Variants in KCNIP1 observed in about 807,000 individuals in gnomAD.
The protein encoded by KCNIP1 is potassium voltage-gated channel interacting protein 1.
A neutral mutation model predicts 33.0 loss-of-function variants in KCNIP1; 18 were observed. That is an observed-to-expected ratio of 0.55 (90% CI 0.38 to 0.81). The LOEUF is 0.81. KCNIP1 is among the 30% of genes least tolerant of loss of function. KCNIP1 has a pLI of 0.00. For missense variants in KCNIP1, 238 were observed against 271.6 expected (o/e 0.88, Z 0.87); for synonymous variants, 93 against 98.3 (o/e 0.95, Z 0.32).
intron 1 of KCNIP1, among the ~76,000 whole-genome samples, chr5:170,387,974 A>T (rs952248581): frequency 6.6e-6 from 1 of 152,192 alleles, no homozygotes; most frequent in African/African-American, 2.4e-5. Flanking sequence ...GGGGAACTGG[A>T]TCGCACCTGT....
intron 1 of KCNIP1, among the ~76,000 whole-genome samples, chr5:170,687,195 T>A (rs1762567144): frequency 6.6e-6 from 1 of 152,040 alleles, no homozygotes; most frequent in Non-Finnish European, 1.5e-5. Flanking sequence ...ATTTTTTTTT[T>A]TTTTGAGATG....
At chr5:170,365,662 T>G (rs1581112293) in intron 1 of KCNIP1, among the ~76,000 whole-genome samples, 1 of 152,206 alleles carries the variant, frequency 6.6e-6, no homozygotes, top group Admixed American at 6.5e-5. Context: ...TCCATGGCTG[T>G]GTTCCCCTCC....
At chr5:170,669,498 G>A in intron 1 of KCNIP1, 1 of 983,968 alleles carries the variant, frequency 1.0e-6, no homozygotes, top group Non-Finnish European at 1.2e-6. Context: ...TCTTTCCCCA[G>A]AACTACCTTA....
intron 1 of KCNIP1, among the ~76,000 whole-genome samples, chr5:170,425,995 G>T (rs1218628546): frequency 2.0e-5 from 3 of 152,204 alleles, no homozygotes; most frequent in African/African-American, 7.2e-5. Flanking sequence ...CAGCTTTTGA[G>T]GTAGTGGCCC....
At position 170,545,942 on chromosome 5, in the gene KCNIP1, T is replaced by C. The variant is rs530883275; in HGVS notation, c.61+41309T>C. On this transcript the variant is annotated intron_variant, in intron 1 of 7. Transcript: ENST00000328939. ...TTGACCATAAGCTGGACATTGTATG[T>C]AAAAGAACTGTGGAGGTTTCAGCTG... Among the ~76,000 whole-genome samples the C allele has an allele frequency of 2.5e-4, 38 of 152,354 alleles. 1 individual carries two copies. The highest frequency in any genetic ancestry group is 1.7e-3 in the South Asian group (8 of 4,826).
Position 170,632,530 on chromosome 5 carries a change from T to C in KCNIP1, c.62-86228T>C, listed in dbSNP as rs75805588. ...GGGAGATGAGGAGGAGCAGCGCGGC[T>C]CTGCTGCGTGGCCCTGGGCAAGCAC... On this transcript the variant is annotated intron_variant, in intron 1 of 7. Coordinates refer to ENST00000328939, the MANE Select transcript of KCNIP1 (RefSeq NM_014592.4). Among the ~76,000 whole-genome samples the C allele has an allele frequency of 7.3e-3, 1,107 of 152,318 alleles. 4 individuals carry two copies. Among genetic ancestry groups the C allele is most frequent in the Non-Finnish European group, 0.012 (826 of 68,018 alleles).
At chr5:170,724,975 C>A (rs1005216842) in intron 5 of KCNIP1, among the ~76,000 whole-genome samples, 1 of 152,058 alleles carries the variant, frequency 6.6e-6, no homozygotes, top group Non-Finnish European at 1.5e-5. Flanking sequence ...ATGCAAAAAA[C>A]CTAAAATAAC....
intron 1 of KCNIP1, among the ~76,000 whole-genome samples, chr5:170,717,441 C>G (rs1327301279): frequency 2.0e-5 from 3 of 152,154 alleles, no homozygotes; most frequent in African/African-American, 7.2e-5. Context: ...AACAAATCAT[C>G]TGCCTTAGTC....
In KCNIP1 at chr5:170,397,262, C is replaced by T. The variant is rs182307927; in HGVS notation, c.88+43298C>T. ...AAGCGGCTTAGCATTCTATTTTTGG[C>T]GTACAGACCCTTCTGCAGACACCTG... is the stretch of plus-strand genomic sequence containing the variant. On this transcript the variant is annotated intron_variant, in intron 1 of 7. Coordinates refer to the KCNIP1 transcript ENST00000377360. Among the ~76,000 whole-genome samples, 528 of 152,242 alleles carry T rather than the reference C, an allele frequency of 3.5e-3. 5 individuals carry two copies. Among genetic ancestry groups the T allele is most frequent in the Admixed American group, 6.3e-3 (97 of 15,296 alleles).
chr5:170,702,617 G>A (rs561240808), intron 1 of KCNIP1, among the ~76,000 whole-genome samples: 1 of 152,252 alleles, frequency 6.6e-6, no homozygotes, highest in Admixed American at 6.5e-5. Flanking sequence ...AGTGGAATTT[G>A]GTCCCTGACT....
At position 170,589,190 on chromosome 5, in the gene KCNIP1, G is replaced by A. The variant is rs908927856; in HGVS notation, c.61+84557G>A. On this transcript the variant is annotated intron_variant, in intron 1 of 7. Transcript: ENST00000328939. Reference sequence around the variant, plus strand: ...CTTTTTTTGTATTTTTAGTAGAGACGGGGTTTCACCATGTTAGCCAGTATG... The same window carrying A: ...CTTTTTTTGTATTTTTAGTAGAGACAGGGTTTCACCATGTTAGCCAGTATG... Among the ~76,000 whole-genome samples, 3 of 151,734 alleles carry A rather than the reference G, an allele frequency of 2.0e-5. No individual in the cohort carries two copies. The South Asian group carries it at 6.3e-4, about 32-fold the overall frequency.
At chr5:170,554,728 C>T (rs571863774) in intron 1 of KCNIP1, among the ~76,000 whole-genome samples, 3 of 152,276 alleles carry the variant, frequency 2.0e-5, no homozygotes, top group Admixed American at 1.3e-4. Flanking sequence ...CCATGTAATC[C>T]GTCTGCCAGA....
At chr5:170,629,256 G>A (rs763151154) in intron 1 of KCNIP1, among the ~76,000 whole-genome samples, 25 of 152,180 alleles carry the variant, frequency 1.6e-4, no homozygotes, top group Non-Finnish European at 2.9e-4. Context: ...TGAGGATTCC[G>A]ACAAGGTGAG....
intron 1 of KCNIP1, among the ~76,000 whole-genome samples, chr5:170,574,123 T>C (rs1432222381): frequency 6.6e-6 from 1 of 152,218 alleles, no homozygotes; most frequent in Non-Finnish European, 1.5e-5. Context: ...CTCAGGCACT[T>C]AGAACATTTG....
intron 1 of KCNIP1, among the ~76,000 whole-genome samples, chr5:170,536,887 C>T (rs369240167): frequency 6.6e-6 from 1 of 152,194 alleles, no homozygotes; most frequent in East Asian, 1.9e-4. Context: ...TGGAAGCATG[C>T]ATCTCCTGGG....
chr5:170,682,807 T>C (rs1034013615), intron 1 of KCNIP1, among the ~76,000 whole-genome samples: 4 of 146,302 alleles, frequency 2.7e-5, no homozygotes, highest in Admixed American at 1.4e-4. Flanking sequence ...TTTTTTTTTT[T>C]TTGATGAGAC....
intron 1 of KCNIP1, among the ~76,000 whole-genome samples, chr5:170,397,512 G>GA (rs34911902): frequency 0.37 from 56,507 of 151,964 alleles, 10,636 homozygotes; most frequent in Middle Eastern, 0.42. Context: ...AAATCCCCCA[G>GA]AAATATTTGT....
intron 1 of KCNIP1, among the ~76,000 whole-genome samples, chr5:170,656,417 G>A (rs536837443): frequency 1.3e-5 from 2 of 152,330 alleles, no homozygotes; most frequent in African/African-American, 4.8e-5. Flanking sequence ...AGAACTAGTA[G>A]CAGGAAGCTA....
At chr5:170,420,585 A>C (rs913682402) in intron 1 of KCNIP1, 5 of 152,124 alleles carry the variant, frequency 3.3e-5, no homozygotes, top group African/African-American at 1.2e-4. Context: ...TAACATATAA[A>C]ATATGTGTTA....
Sources: allele counts gnomAD v4.1 joint callset (sites outside exome capture counted in the v4.1 genomes callset), GRCh38; gene constraint gnomAD v4.1.1; transcripts MANE v1.5; gene names NCBI Gene and HGNC (gene_info 2026-07-23, HGNC 2026-07-21).